HGFAC: variants seen among roughly 807,000 people sequenced by gnomAD.
HGFAC encodes HGF activator, also known as hepatocyte growth factor activator serine protease.
In HGFAC, 76 loss-of-function variants were observed where a neutral mutation model predicts 70.6. The ratio of observed to expected loss-of-function variants is 1.08; its 90% CI spans 0.89 to 1.30. HGFAC has a LOEUF of 1.30. Among genes scored for constraint, HGFAC ranks in the 50% most tolerant of loss-of-function variants. HGFAC has a pLI of 0.00. For synonymous variants in HGFAC, 464 were observed against 405.3 expected (o/e 1.14, Z -1.74); for missense variants, 1,044 against 933.7 (o/e 1.12, Z -1.54).
Position 3,444,722 on chromosome 4 carries a change from T to C in HGFAC, c.830T>C (p.Leu277Pro), listed in dbSNP as rs754307150. The C allele has an allele frequency of 1.9e-6, 3 of 1,593,686 alleles. No individual in the cohort carries two copies. The highest frequency in any genetic ancestry group is 2.6e-6 in the Non-Finnish European group (3 of 1,176,176). ...CACPPGFAGRLCNIEPDERCF... is the reference protein window; with the variant it reads ...CACPPGFAGRPCNIEPDERCF... ...TGCCCACCAGGCTTCGCTGGACGGCTCTGCAACATCGGTGAGTGGGTCAGC... is the reference window on the plus strand; with the variant it reads ...TGCCCACCAGGCTTCGCTGGACGGCCCTGCAACATCGGTGAGTGGGTCAGC... Residue 277 changes from leucine (L) to proline (P), a missense_variant, in exon 7 of 14, where the codon CTC becomes CCC. By Grantham distance (98) the Leu-to-Pro change is moderately conservative (BLOSUM62 -3). Coordinates refer to ENST00000382774, the MANE Select transcript of HGFAC (RefSeq NM_001528.4).
Position 3,446,177 on chromosome 4 carries a change from C to A in HGFAC, c.1238C>A (p.Ser413Tyr), listed in dbSNP as rs767606268. ...FLRPRIIGGS[S>Y]SLPGSHPWLA... Reference sequence around the variant, plus strand: ...CGGCCACGTATCATCGGCGGCTCCTCCTCGCTGCCCGGCTCGCACCCCTGG... The same window carrying A: ...CGGCCACGTATCATCGGCGGCTCCTACTCGCTGCCCGGCTCGCACCCCTGG... Residue 413 changes from serine (S) to tyrosine (Y), a missense_variant, in exon 10 of 14, where the codon TCC (serine) becomes TAC (tyrosine). Ser to Tyr is a moderately radical substitution (Grantham distance 144, BLOSUM62 -2). Transcript: ENST00000382774. 4 of 1,611,222 alleles carry A rather than the reference C, an allele frequency of 2.5e-6. No individual in the cohort carries two copies. The East Asian group carries it at 8.9e-5, about 36-fold the overall frequency.
chr4:3,442,664 A>T (rs1010855053), intron 1 of HGFAC, 68 bp from the exon 2 acceptor site: 6 of 1,178,296 alleles, frequency 5.1e-6, no homozygotes, highest in Non-Finnish European at 6.8e-6. Flanking sequence ...CAGGGCTGTG[A>T]CCTCCTGCCC....
Position 3,449,176 on chromosome 4 carries a change from G to T in HGFAC, c.1786-61G>T. 7 of 1,493,544 alleles carry T rather than the reference G, an allele frequency of 4.7e-6. No homozygotes were observed. The South Asian group carries it at 7.1e-5, about 15-fold the overall frequency. The allele number at this position is 1,493,544 out of a possible 1,614,324, so 92.5% of individuals were successfully genotyped here. A position where few individuals can be genotyped will look rare whatever the true frequency, so the allele number is the denominator to read the frequency against. On this transcript the variant is annotated intron_variant, in intron 13 of 13. Coordinates refer to ENST00000382774, the MANE Select transcript of HGFAC (RefSeq NM_001528.4). ...TCTGTCCCCAAGCTGCCACTTGGGG[G>T]AGAGGGGGGTCCCTGAACCAGGCCC...
At position 3,444,869 on chromosome 4, in the gene HGFAC, G is replaced by A; in HGVS notation, c.892G>A (p.Ala298Thr). ...LGNGTGYRGVASTSASGLSCL... is the reference protein window; with the variant it reads ...LGNGTGYRGVTSTSASGLSCL... Reference sequence around the variant, plus strand: ...GAACGGCACTGGGTACCGTGGCGTGGCCAGCACCTCAGCCTCGGGCCTCAG... The same window carrying A: ...GAACGGCACTGGGTACCGTGGCGTGACCAGCACCTCAGCCTCGGGCCTCAG... The change falls in exon 8 of 14, where the codon GCC becomes ACC. Residue 298 changes from alanine (A) to threonine (T), a missense_variant. Transcript: ENST00000382774. 2 of 1,606,944 alleles carry A rather than the reference G, an allele frequency of 1.2e-6. No homozygotes were observed. Among genetic ancestry groups the A allele is most frequent in the Non-Finnish European group, 1.7e-6 (2 of 1,177,546 alleles).
chr4:3,449,399 C>T lies in HGFAC; in HGVS notation c.1948C>T (p.Arg650Trp), dbSNP rs577434025. The change falls in exon 14 of 14, where the codon CGG (arginine) becomes TGG (tryptophan). Residue 650 changes from arginine (R) to tryptophan (W), a missense_variant. Physicochemically the swap from Arg to Trp is moderately radical, Grantham distance 101. Coordinates refer to ENST00000382774, the MANE Select transcript of HGFAC (RefSeq NM_001528.4). ...WINDRIRPPR[R>W]LVAPS is the part of the protein sequence containing the mutation. ...CAACGACCGGATACGGCCTCCCAGGCGGCTTGTGGCTCCCTCCTGACCCTC... is the reference window on the plus strand; with the variant it reads ...CAACGACCGGATACGGCCTCCCAGGTGGCTTGTGGCTCCCTCCTGACCCTC... 1.9e-5 allele frequency: 29 copies of T among 1,563,570 alleles called. No homozygotes were observed. The highest frequency in any genetic ancestry group is 1.7e-4 in the Middle Eastern group (1 of 5,908).
rs368406368 is a variant in HGFAC, at chr4:3,445,349, C to T, written c.1101C>T (p.Cys367=). ...LSWEYCRLEA[C]ESLTRVQLSP... is the part of the protein sequence containing the mutation. ...GGGAGTACTGCCGCCTGGAGGCCTG[C>T]GGTGCGCGGCTGGCGGGGGGTGCTG... The change falls in exon 9 of 14, where the codon TGC becomes TGT. Residue 367 remains cysteine (C), a splice_region_variant and synonymous_variant. Coordinates refer to ENST00000382774, the MANE Select transcript of HGFAC (RefSeq NM_001528.4). The T allele has an allele frequency of 3.5e-5, 55 of 1,567,076 alleles. No individual in the cohort carries two copies. The highest frequency in any genetic ancestry group is 4.2e-5 in the Non-Finnish European group (49 of 1,156,434).
In HGFAC at chr4:3,444,734, G is replaced by A; in HGVS notation, c.841+1G>A. The A allele has an allele frequency of 1.3e-6, 2 of 1,589,920 alleles. No individual in the cohort carries two copies. Among genetic ancestry groups the A allele is most frequent in the Non-Finnish European group, 8.5e-7 (1 of 1,173,494 alleles). ...TTCGCTGGACGGCTCTGCAACATCG[G>A]TGAGTGGGTCAGCCCCCCGGGGTGC... On this transcript the variant is annotated splice_donor_variant, in intron 7 of 13. Coordinates refer to ENST00000382774, the MANE Select transcript of HGFAC (RefSeq NM_001528.4). LOFTEE classifies it high-confidence loss of function.
chr4:3,445,999 C>T (rs1311035270), intron 9 of HGFAC, 43 bp from the exon 10 acceptor site: 2 of 1,602,920 alleles, frequency 1.2e-6, no homozygotes, highest in Non-Finnish European at 1.7e-6. Context: ...GGGGGCTGGC[C>T]CTGTGAACCC....
chr4:3,449,009 G>C (rs142438159), intron 13 of HGFAC, among the ~76,000 whole-genome samples: 27 of 152,298 alleles, frequency 1.8e-4, no homozygotes, highest in African/African-American at 6.5e-4. Flanking sequence ...TGCTGGTGGG[G>C]AGAGGGGGAC....
chr4:3,447,632 G>A lies in HGFAC; in HGVS notation c.1495+1G>A, dbSNP rs754020701. 1 of 1,612,552 alleles carries A rather than the reference G, an allele frequency of 6.2e-7. No individual in the cohort carries two copies. Among genetic ancestry groups the A allele is most frequent in the South Asian group, 1.1e-5 (1 of 91,052 alleles). ...TTCAACCCCAGCGACCACGACCTCG[G>A]TGAGCTCCGGCGTGTCGTGGCTGCA... On this transcript the variant is annotated splice_donor_variant, in intron 11 of 13. Coordinates refer to ENST00000382774, the MANE Select transcript of HGFAC (RefSeq NM_001528.4). LOFTEE classifies it high-confidence loss of function.
At chr4:3,445,429 C>A in intron 9 of HGFAC, 79 bp downstream of exon 9, 1 of 977,078 alleles carries the variant, frequency 1.0e-6, no homozygotes, top group Non-Finnish European at 1.6e-6. Flanking sequence ...CTAGCCCCTC[C>A]GCACACCTGG....
intron 4 of HGFAC, among the ~76,000 whole-genome samples, chr4:3,443,733 G>A (rs1414047994): frequency 2.6e-5 from 4 of 152,112 alleles, no homozygotes; most frequent in South Asian, 2.1e-4. Context: ...GGTGCCAGCC[G>A]CCCTGCTCAC....
intron 13 of HGFAC, 112 bp downstream of exon 13, chr4:3,448,388 C>A: frequency 3.2e-6 from 4 of 1,257,324 alleles, no homozygotes; most frequent in South Asian, 1.4e-5. Flanking sequence ...CCCAACCTGG[C>A]AGGGCCAGCC....
chr4:3,444,931 G>C lies in HGFAC; in HGVS notation c.954G>C (p.Glu318Asp), dbSNP rs1231630800. The change falls in exon 8 of 14, where the codon GAG (glutamate) becomes GAC (aspartate). Residue 318 changes from glutamate (E) to aspartate (D), a missense_variant. By Grantham distance (45) the Glu-to-Asp change is conservative. Coordinates refer to ENST00000382774, the MANE Select transcript of HGFAC (RefSeq NM_001528.4). ...GGAACTCCGATCTGCTCTACCAGGA[G>C]CTGCACGTGGACTCCGTGGGCGCCG... ...LAWNSDLLYQ[E>D]LHVDSVGAAA... The C allele has an allele frequency of 6.2e-7, 1 of 1,609,628 alleles. No individual in the cohort carries two copies. Among genetic ancestry groups the C allele is most frequent in the Non-Finnish European group, 8.5e-7 (1 of 1,178,778 alleles).
intron 1 of HGFAC, among the ~76,000 whole-genome samples, chr4:3,442,498 G>A (rs1725348660): frequency 6.6e-6 from 1 of 152,212 alleles, no homozygotes; most frequent in South Asian, 2.1e-4. Flanking sequence ...AAGCTTGGTG[G>A]GTAGCAGTGC....
In HGFAC at chr4:3,447,836, C is replaced by T. The variant is rs752507694; in HGVS notation, c.1496-59C>T. ...GCTACCCTCCCTCCACCACGGGCCC[C>T]GACAGCCTCCCGTTCAGCCCGCACA... On this transcript the variant is annotated intron_variant, in intron 11 of 13. Coordinates refer to ENST00000382774, the MANE Select transcript of HGFAC (RefSeq NM_001528.4). The T allele has an allele frequency of 1.2e-4, 188 of 1,586,010 alleles. 1 individual carries two copies. Among genetic ancestry groups the T allele is most frequent in the Non-Finnish European group, 1.5e-4 (179 of 1,162,580 alleles).
rs1270343199 is a variant in HGFAC, at chr4:3,444,404, TCGG to T, written c.693_695del (p.Phe231_Gly232delinsLeu). ...GGCCACGTGGAACAGTGCGAGTGCT[TCGG>T]GGGCCGGACCTGGTGCGAAGGCACC... is the stretch of plus-strand genomic sequence containing the variant. On this transcript the variant is annotated inframe_deletion, in exon 6 of 14. Transcript: ENST00000382774. The T allele has an allele frequency of 1.3e-5, 21 of 1,605,114 alleles. No individual in the cohort carries two copies. Among genetic ancestry groups the T allele is most frequent in the Non-Finnish European group, 1.5e-5 (18 of 1,177,150 alleles).
At position 3,445,170 on chromosome 4, in the gene HGFAC, G is replaced by A. The variant is rs567299158; in HGVS notation, c.1017-95G>A. ...ACTCTCTTCCCACTGCTCCAGGTGC[G>A]GGGAACCGCCCTGCTGGGGGTTCCG... On this transcript the variant is annotated intron_variant, in intron 8 of 13. Coordinates refer to ENST00000382774, the MANE Select transcript of HGFAC (RefSeq NM_001528.4). 1.5e-4 allele frequency: 202 copies of A among 1,318,334 alleles called. 1 individual carries two copies. In the African/African-American group the frequency reaches 2.4e-3, roughly 15 times the overall value. The allele number at this position is 1,318,334 out of a possible 1,614,324, so 81.7% of individuals were successfully genotyped here. A position where few individuals can be genotyped will look rare whatever the true frequency, so the allele number is the denominator to read the frequency against.
At position 3,444,980 on chromosome 4, in the gene HGFAC, C is replaced by T; in HGVS notation, c.1003C>T (p.His335Tyr). 6.3e-7 allele frequency: 1 copy of T among 1,594,046 alleles called. No homozygotes were observed. Among genetic ancestry groups the T allele is most frequent in the African/African-American group, 1.3e-5 (1 of 74,572 alleles). The change falls in exon 8 of 14, where the codon CAT becomes TAT. Residue 335 changes from histidine to tyrosine, a missense_variant. Transcript: ENST00000382774. ...GAAALLGLGP[H>Y]AYCRNPDNDE... The stretch of plus-strand genomic sequence containing the variant: ...CGCGGCCCTGCTGGGCCTGGGCCCC[C>T]ATGCCTACTGCCGGTCAGCACCACG...
Sources: gnomAD v4.1 joint callset for allele counts (sites outside exome capture counted in the v4.1 genomes callset) on GRCh38, gnomAD v4.1.1 for gene constraint, MANE v1.5 for transcripts, NCBI Gene and HGNC (gene_info 2026-07-23, HGNC 2026-07-21) for gene names.